The following MPPED2 variants were observed in gnomAD, a reference collection of about 807,000 sequenced individuals.
The protein encoded by MPPED2 is metallophosphoesterase MPPED2.
Under a neutral mutation model 33.0 loss-of-function variants are expected in MPPED2, and 5 were observed. That is an observed-to-expected ratio of 0.15 (90% confidence interval 0.08 to 0.32). The LOEUF (loss-of-function observed/expected upper bound fraction) is 0.32, where lower values mean the gene tolerates loss of function less well. MPPED2 is among the 10% of genes least tolerant of loss of function. The pLI is 1.00. For synonymous variants in MPPED2, 136 were observed against 141.9 expected (o/e 0.96, Z 0.29); for missense variants, 275 against 372.1 (o/e 0.74, Z 2.15).
At chr11:30,449,903 C>T (rs1016266911) in intron 4 of MPPED2, among the ~76,000 whole-genome samples, 3 of 152,198 alleles carry the variant, frequency 2.0e-5, no homozygotes, top group African/African-American at 4.8e-5. Context: ...AATTCATCTG[C>T]CCTAGATGCC....
intron 3 of MPPED2, among the ~76,000 whole-genome samples, chr11:30,498,970 A>T (rs1472895102): frequency 6.6e-6 from 1 of 152,180 alleles, no homozygotes; most frequent in Non-Finnish European, 1.5e-5. Context: ...TCTATTCTGT[A>T]TCTTCTGCAC....
chr11:30,435,078 T>C (rs1327992003), intron 4 of MPPED2, among the ~76,000 whole-genome samples: 1 of 152,210 alleles, frequency 6.6e-6, no homozygotes, highest in Non-Finnish European at 1.5e-5. Context: ...AGAATTAGCA[T>C]AGTTTGCGAG....
intron 4 of MPPED2, among the ~76,000 whole-genome samples, chr11:30,434,953 A>G (rs144676073): frequency 3.3e-5 from 5 of 152,264 alleles, no homozygotes; most frequent in African/African-American, 1.2e-4. Context: ...TGAGATCCAA[A>G]CTCAGATTTG....
intron 4 of MPPED2, among the ~76,000 whole-genome samples, chr11:30,417,998 A>G (rs1224743759): frequency 2.0e-5 from 3 of 152,136 alleles, no homozygotes; most frequent in Non-Finnish European, 4.4e-5. Context: ...CACAGCTAAG[A>G]AATTCTGCAG....
intron 2 of MPPED2, among the ~76,000 whole-genome samples, chr11:30,565,101 C>T (rs1305036709): frequency 6.6e-6 from 1 of 152,176 alleles, no homozygotes; most frequent in Admixed American, 6.5e-5. Flanking sequence ...TTGTGGAACT[C>T]CGTGCAGCCT....
intron 6 of MPPED2, among the ~76,000 whole-genome samples, chr11:30,393,022 C>G (rs551504750): frequency 4.9e-4 from 74 of 152,204 alleles, no homozygotes; most frequent in Non-Finnish European, 8.5e-4. Flanking sequence ...AGGGTTCTTC[C>G]CAGCCACTAC....
At chr11:30,388,877 G>A (rs772280949) in exon 7 of MPPED2, 75 of 1,551,384 alleles carry the variant, frequency 4.8e-5, no homozygotes, top group Non-Finnish European at 6.5e-5. Flanking sequence ...GTCTATGCCA[G>A]TTTCCTCTAG....
Position 30,580,304 on chromosome 11 carries a change from G to C in MPPED2, c.70C>G (p.Gln24Glu). The C allele has an allele frequency of 6.2e-7, 1 of 1,614,074 alleles. No homozygotes were observed. Among genetic ancestry groups the C allele is most frequent in the African/African-American group, 1.3e-5 (1 of 75,036 alleles). ...TTGATGTTGTAGTGCGTGAATGCCT[G>C]GGTGGGGTTTGAGCTGTACTCATCC... ...TVDEYSSNPT[Q>E]AFTHYNINQS... is the part of the protein sequence containing the mutation. Residue 24 changes from glutamine to glutamate, a missense_variant, in exon 2 of 7, where the codon CAG (glutamine) becomes GAG (glutamate). Physicochemically the swap from Gln to Glu is conservative, Grantham distance 29. Transcript: ENST00000358117.
chr11:30,457,464 T>C (rs1386381649), intron 4 of MPPED2, among the ~76,000 whole-genome samples: 1 of 152,168 alleles, frequency 6.6e-6, no homozygotes, highest in Non-Finnish European at 1.5e-5. Context: ...CCCCTTTGTA[T>C]TTTCAAATTG....
At chr11:30,453,544 C>T (rs892064980) in intron 4 of MPPED2, among the ~76,000 whole-genome samples, 18 of 152,224 alleles carry the variant, frequency 1.2e-4, no homozygotes, top group Non-Finnish European at 2.1e-4. Flanking sequence ...CCAAGCCCTA[C>T]GTACCTACTT....
Position 30,583,134 on chromosome 11 carries a change from C to CTTT in MPPED2, c.-121-2643_-121-2641dup, listed in dbSNP as rs199611856. 5.4e-3 allele frequency among the ~76,000 whole-genome samples: 517 copies of CTTT among 96,538 alleles called. 43 individuals carry two copies. The highest frequency in any genetic ancestry group is 0.012 in the African/African-American group (252 of 20,628). 63.3% of individuals were successfully genotyped at this position (96,538 alleles called of 152,430 possible). ...CACAAACACCTGGAAAAGACTTTTT[C>CTTT]TTTTTTTTTTTTTTTTTTTTTTTTT... On this transcript the variant is annotated intron_variant, in intron 1 of 6. Transcript: ENST00000358117.
intron 2 of MPPED2, among the ~76,000 whole-genome samples, chr11:30,563,826 G>A (rs542446252): frequency 7.7e-4 from 118 of 152,310 alleles, no homozygotes; most frequent in African/African-American, 2.3e-3. Context: ...GCCCTTATAG[G>A]GCTTCCAGTC....
At chr11:30,465,990 A>T (rs1950691735) in intron 4 of MPPED2, among the ~76,000 whole-genome samples, 1 of 152,172 alleles carries the variant, frequency 6.6e-6, no homozygotes, top group Non-Finnish European at 1.5e-5. Context: ...CCAAATATTA[A>T]AATACCATCC....
chr11:30,433,903 A>G (rs1367748999), intron 4 of MPPED2, among the ~76,000 whole-genome samples: 3 of 152,150 alleles, frequency 2.0e-5, no homozygotes, highest in East Asian at 3.9e-4. Context: ...AAACCAAGGT[A>G]TTGGCAGGGC....
At position 30,478,238 on chromosome 11, in the gene MPPED2, GT is replaced by G. The variant is rs1951312539; in HGVS notation, c.536+17057del. On this transcript the variant is annotated intron_variant, in intron 4 of 6. Coordinates refer to ENST00000358117, the MANE Select transcript of MPPED2 (RefSeq NM_001584.3). ...TTTATAGTTATTTGCAGGAGACTTA[GT>G]TTGTTAGGAGCTTATTCCTCCATAA... Among the ~76,000 whole-genome samples the G allele has an allele frequency of 3.9e-5, 6 of 152,204 alleles. No homozygotes were observed. In the South Asian group the frequency reaches 1.2e-3, roughly 32 times the overall value.
intron 1 of MPPED2, chr11:30,585,063 G>A (rs1957396516): frequency 6.6e-6 from 1 of 152,156 alleles, no homozygotes; most frequent in Non-Finnish European, 1.5e-5. Context: ...TTTTCTTGCT[G>A]ACGGATTCCA....
chr11:30,536,327 G>A, intron 2 of MPPED2, 152 bp from the exon 3 acceptor site: 6 of 608,454 alleles, frequency 9.9e-6, no homozygotes, highest in Non-Finnish European at 1.3e-5. Flanking sequence ...ACACTTCTGG[G>A]TGTAACAGAG....
intron 2 of MPPED2, among the ~76,000 whole-genome samples, chr11:30,567,653 T>C (rs1300225043): frequency 6.6e-6 from 1 of 152,190 alleles, no homozygotes; most frequent in Non-Finnish European, 1.5e-5. Flanking sequence ...CCTGTTCTCT[T>C]TGAAAAACAC....
At chr11:30,392,621 C>T (rs1406311508) in intron 6 of MPPED2, among the ~76,000 whole-genome samples, 5 of 152,190 alleles carry the variant, frequency 3.3e-5, no homozygotes, top group Non-Finnish European at 7.3e-5. Context: ...GTCTCCTGCT[C>T]TACTTTTCTA....
Sources: gnomAD v4.1 joint callset for allele counts (sites outside exome capture counted in the v4.1 genomes callset) on GRCh38, gnomAD v4.1.1 for gene constraint, MANE v1.5 for transcripts, NCBI Gene and HGNC (gene_info 2026-07-23, HGNC 2026-07-21) for gene names.